FTCDNL1: variants seen among roughly 807,000 people sequenced by gnomAD.
FTCDNL1 encodes the protein formiminotransferase cyclodeaminase N-terminal like, also known as formiminotransferase N-terminal subdomain-containing protein.
FTCDNL1 carries 11 observed loss-of-function variants against 5.9 expected under a neutral mutation model. The ratio of observed to expected loss-of-function variants is 1.87; its 90% CI spans 1.18 to 3.10. FTCDNL1 has a LOEUF of 3.10. Among genes scored for constraint, FTCDNL1 ranks in the 30% most tolerant of loss-of-function variants. The pLI, the probability that FTCDNL1 is intolerant of heterozygous loss-of-function variation, is 0.00. For missense variants in FTCDNL1, 115 were observed against 65.5 expected (o/e 1.76, Z -2.61); for synonymous variants, 58 against 24.8 (o/e 2.34, Z -3.99).
At chr2:199,773,835 C>A (rs1698931939) in intron 3 of FTCDNL1, among the ~76,000 whole-genome samples, 1 of 152,160 alleles carries the variant, frequency 6.6e-6, no homozygotes, top group Non-Finnish European at 1.5e-5. Context: ...ATATTAAGCA[C>A]CACCACCTGG....
At chr2:199,738,285 T>C in the FTCDNL1 span, among the ~76,000 whole-genome samples, 1 of 152,340 alleles carries the variant, frequency 6.6e-6, no homozygotes, top group East Asian at 1.9e-4. Context: ...AGATAAAAAC[T>C]ACTGTTTTAG....
intron 2 of FTCDNL1, among the ~76,000 whole-genome samples, chr2:199,848,173 A>G (rs1276453148): frequency 6.6e-6 from 1 of 152,246 alleles, no homozygotes. Context: ...ATACCTAACC[A>G]TGTGTCACCA....
chr2:199,846,079 C>T lies in FTCDNL1; in HGVS notation c.207G>A (p.Lys69=). The T allele has an allele frequency of 1.4e-6, 1 of 692,262 alleles. No individual in the cohort carries two copies. The allele number at this position is 692,262 out of a possible 1,614,324, so 42.9% of individuals were successfully genotyped here. A position where few individuals can be genotyped will look rare whatever the true frequency, so the allele number is the denominator to read the frequency against. Residue 69 remains lysine (K), a synonymous_variant, in exon 3 of 5, where the codon AAG becomes AAA. Transcript: ENST00000420128. ...AGAAAGAAACTGAAATCTTACCCAA[C>T]TTATCAACAGAAGTTGCTATTGTAA... The part of the protein sequence containing the change: ...SVITIATSVD[K]LGLAEDLVLH...
At chr2:199,790,848 A>C (rs1699890132) in intron 3 of FTCDNL1, among the ~76,000 whole-genome samples, 2 of 152,156 alleles carry the variant, frequency 1.3e-5, no homozygotes, top group South Asian at 4.1e-4. Flanking sequence ...TGCTAGGTAT[A>C]AATTTGATGT....
chr2:199,819,817 A>T lies in FTCDNL1; in HGVS notation c.212-60T>A, dbSNP rs186924610. The T allele has an allele frequency of 7.4e-4, 493 of 662,312 alleles. 4 individuals carry two copies. The African/African-American group carries it at 8.0e-3, about 11-fold the overall frequency. The allele number at this position is 662,312 out of a possible 1,614,324, so 41.0% of individuals were successfully genotyped here. A position where few individuals can be genotyped will look rare whatever the true frequency, so the allele number is the denominator to read the frequency against. On this transcript the variant is annotated intron_variant, in intron 3 of 4. Transcript: ENST00000420128. ...CAATCAAGCCAAATTTTAAAAACCA[A>T]AGCATATAATTTTTTTGCTGTGGTA...
the FTCDNL1 span, among the ~76,000 whole-genome samples, chr2:199,721,747 G>C: frequency 6.6e-6 from 1 of 152,178 alleles, no homozygotes; most frequent in Non-Finnish European, 1.5e-5. Flanking sequence ...CACCAACAGT[G>C]TAAAAGCATT....
At chr2:199,830,957 T>G (rs1050732204) in intron 3 of FTCDNL1, among the ~76,000 whole-genome samples, 3 of 152,170 alleles carry the variant, frequency 2.0e-5, no homozygotes, top group Non-Finnish European at 4.4e-5. Flanking sequence ...GACTGACACG[T>G]TCTGTTGCCT....
chr2:199,763,191 G>A (rs953816364), intron 3 of FTCDNL1, among the ~76,000 whole-genome samples: 1 of 152,158 alleles, frequency 6.6e-6, no homozygotes, highest in Admixed American at 6.5e-5. Context: ...ATGCTCCAGT[G>A]GTTTCCAGGG....
intron 3 of FTCDNL1, among the ~76,000 whole-genome samples, chr2:199,798,907 A>C (rs978916628): frequency 6.6e-6 from 1 of 152,248 alleles, no homozygotes; most frequent in Non-Finnish European, 1.5e-5. Flanking sequence ...TTTTCTTACA[A>C]ATAGATGACA....
intron 3 of FTCDNL1, among the ~76,000 whole-genome samples, chr2:199,791,330 T>C (rs1699915608): frequency 6.6e-6 from 1 of 152,170 alleles, no homozygotes; most frequent in Non-Finnish European, 1.5e-5. Context: ...AAGGAAAAAG[T>C]AACATTTTAC....
the FTCDNL1 span, among the ~76,000 whole-genome samples, chr2:199,745,120 CAA>C: frequency 6.6e-6 from 1 of 152,230 alleles, no homozygotes; most frequent in African/African-American, 2.4e-5. Flanking sequence ...GGAAGAAAGA[CAA>C]ATGCAGATTG....
At chr2:199,826,294 G>T (rs1423318612) in intron 3 of FTCDNL1, among the ~76,000 whole-genome samples, 2 of 152,128 alleles carry the variant, frequency 1.3e-5, no homozygotes, top group Non-Finnish European at 2.9e-5. Context: ...TAATTTAGTG[G>T]AAACAACATA....
the FTCDNL1 span, among the ~76,000 whole-genome samples, chr2:199,703,785 ATTATT>A: frequency 6.6e-6 from 1 of 152,158 alleles, no homozygotes; most frequent in Non-Finnish European, 1.5e-5. Flanking sequence ...AGCTTATTAA[ATTATT>A]TTCTTATTAT....
chr2:199,760,783 T>G (rs938655207), exon 4 of FTCDNL1: 5 of 702,262 alleles, frequency 7.1e-6, no homozygotes, highest in African/African-American at 7.0e-5. Flanking sequence ...CTCTGGTTCC[T>G]GGATGTCGAC....
chr2:199,825,674 G>GT (rs1701987152), intron 3 of FTCDNL1, among the ~76,000 whole-genome samples: 1 of 152,164 alleles, frequency 6.6e-6, no homozygotes, highest in African/African-American at 2.4e-5. Flanking sequence ...CGACACACCT[G>GT]TTCCCCCTTT....
chr2:199,712,233 G>C, the FTCDNL1 span, among the ~76,000 whole-genome samples: 1 of 152,266 alleles, frequency 6.6e-6, no homozygotes, highest in Non-Finnish European at 1.5e-5. Flanking sequence ...TTCAAATTCA[G>C]TGTTAGTCAA....
At chr2:199,699,218 A>G in the FTCDNL1 span, among the ~76,000 whole-genome samples, 2 of 152,064 alleles carry the variant, frequency 1.3e-5, no homozygotes. Flanking sequence ...TATAATCCCA[A>G]AACTTTGGGA....
In FTCDNL1 at chr2:199,768,832, G is replaced by C. The variant is rs185708597; in HGVS notation, c.212-7997C>G. On this transcript the variant is annotated intron_variant, in intron 3 of 3. Coordinates refer to the FTCDNL1 transcript ENST00000416668. ...TCTTTAACACGTACTTGGCTGCTGA[G>C]ATTGGAGGTAAGAATGAGAAGAGAG... 1.6e-3 allele frequency among the ~76,000 whole-genome samples: 243 copies of C among 152,262 alleles called. 1 individual carries two copies. Among genetic ancestry groups the C allele is most frequent in the African/African-American group, 5.6e-3 (233 of 41,548 alleles).
chr2:199,699,051 T>A, the FTCDNL1 span, among the ~76,000 whole-genome samples: 1 of 152,124 alleles, frequency 6.6e-6, no homozygotes, highest in African/African-American at 2.4e-5. Context: ...CATACAACTT[T>A]TCAAGATTGA....
Sources: allele counts gnomAD v4.1 joint callset (sites outside exome capture counted in the v4.1 genomes callset), GRCh38; gene constraint gnomAD v4.1.1; transcripts MANE v1.5; gene names NCBI Gene and HGNC (gene_info 2026-07-23, HGNC 2026-07-21).